Variants in EFNA5 observed in about 807,000 individuals in gnomAD.
EFNA5 encodes ephrin-A5.
EFNA5 carries 5 observed loss-of-function variants against 22.9 expected under a neutral mutation model. The observed-to-expected ratio is 0.22, with a 90% CI of 0.11 to 0.46. The LOEUF (loss-of-function observed/expected upper bound fraction) is 0.46, where lower values mean the gene tolerates loss of function less well. Among genes scored for constraint, EFNA5 ranks in the 20% least tolerant of loss-of-function variants. The probability of loss-of-function intolerance (pLI) is 0.99; values close to 1 mark genes in which losing one functional copy is unlikely to be tolerated. For synonymous variants in EFNA5, 113 were observed against 112.2 expected, an observed-to-expected ratio of 1.01 and a Z score of -0.04; for missense variants, 237 against 293.3, an observed-to-expected ratio of 0.81 and a Z score of 1.40.
At chr5:107,506,465 C>G (rs763601892) in intron 1 of EFNA5, among the ~76,000 whole-genome samples, 48 of 152,106 alleles carry the variant, frequency 3.2e-4, no homozygotes, top group Non-Finnish European at 6.0e-4. Context: ...AAATTATGGA[C>G]TGGGGTGAAG....
intron 2 of EFNA5, 86 bp downstream of exon 2, chr5:107,427,130 CT>C: frequency 7.2e-7 from 1 of 1,386,498 alleles, no homozygotes; most frequent in Middle Eastern, 1.8e-4. Context: ...CAGAGTCCAG[CT>C]CTCTGCAATT....
intron 2 of EFNA5, among the ~76,000 whole-genome samples, chr5:107,411,607 GT>G (rs1748367929): frequency 6.6e-6 from 1 of 152,184 alleles, no homozygotes; most frequent in African/African-American, 2.4e-5. Context: ...GAGGTCTTCA[GT>G]TAAAATAACC....
chr5:107,630,087 T>C (rs908933498), intron 1 of EFNA5, among the ~76,000 whole-genome samples: 4 of 151,282 alleles, frequency 2.6e-5, no homozygotes, highest in African/African-American at 4.9e-5. Flanking sequence ...AATTACGAGA[T>C]TGTTTTGCAA....
chr5:107,607,404 T>G (rs761385894), intron 1 of EFNA5, among the ~76,000 whole-genome samples: 14 of 152,216 alleles, frequency 9.2e-5, no homozygotes, highest in Non-Finnish European at 1.8e-4. Context: ...GCAGTAGAGT[T>G]TGAGCCCAGT....
chr5:107,600,820 A>C (rs1749576358), intron 1 of EFNA5, among the ~76,000 whole-genome samples: 1 of 152,118 alleles, frequency 6.6e-6, no homozygotes, highest in African/African-American at 2.4e-5. Context: ...ACAATTCTGA[A>C]GTATGTTTAA....
chr5:107,398,537 T>G (rs1009800806), intron 2 of EFNA5, among the ~76,000 whole-genome samples: 1 of 152,014 alleles, frequency 6.6e-6, no homozygotes, highest in Non-Finnish European at 1.5e-5. Flanking sequence ...TGAAGAATTA[T>G]TGTAGGGATT....
intron 1 of EFNA5, among the ~76,000 whole-genome samples, chr5:107,614,723 C>G (rs964848036): frequency 2.6e-5 from 4 of 152,124 alleles, no homozygotes; most frequent in African/African-American, 9.7e-5. Flanking sequence ...AACATTTTCT[C>G]TCTCAAAAAT....
At chr5:107,526,813 C>G (rs1027379853) in intron 1 of EFNA5, among the ~76,000 whole-genome samples, 1 of 152,118 alleles carries the variant, frequency 6.6e-6, no homozygotes, top group African/African-American at 2.4e-5. Flanking sequence ...ATGGGAAATT[C>G]TACTTTCTTC....
intron 1 of EFNA5, among the ~76,000 whole-genome samples, chr5:107,520,316 GC>G (rs1388934694): frequency 1.3e-5 from 2 of 152,166 alleles, no homozygotes; most frequent in African/African-American, 4.8e-5. Flanking sequence ...AAAGGGTGGG[GC>G]CCTTCACTCT....
At chr5:107,659,369 C>A (rs572723862) in intron 1 of EFNA5, among the ~76,000 whole-genome samples, 2 of 151,986 alleles carry the variant, frequency 1.3e-5, no homozygotes, top group Non-Finnish European at 2.9e-5. Context: ...TACCAGAGAA[C>A]AGGGATGGCG....
chr5:107,382,168 G>A (rs1747485316), intron 4 of EFNA5, among the ~76,000 whole-genome samples: 1 of 152,110 alleles, frequency 6.6e-6, no homozygotes, highest in African/African-American at 2.4e-5. Context: ...GCTATAAAGT[G>A]TTCTATGAGG....
At chr5:107,381,484 T>A in intron 4 of EFNA5, 108 bp from the exon 5 acceptor site, 1 of 1,254,844 alleles carries the variant, frequency 8.0e-7, no homozygotes, top group African/African-American at 1.5e-5. Flanking sequence ...AGTAGGGTAA[T>A]GAACCTTGTG....
At chr5:107,491,232 T>C (rs981906696) in intron 1 of EFNA5, among the ~76,000 whole-genome samples, 1 of 152,202 alleles carries the variant, frequency 6.6e-6, no homozygotes, top group African/African-American at 2.4e-5. Flanking sequence ...TATTAAAAAT[T>C]ATAACATGGT....
intron 1 of EFNA5, among the ~76,000 whole-genome samples, chr5:107,613,626 G>C (rs945347720): frequency 3.9e-5 from 6 of 152,040 alleles, no homozygotes; most frequent in African/African-American, 1.4e-4. Flanking sequence ...TTTACATAAA[G>C]TATTTCAAGA....
At chr5:107,500,421 C>T (rs1747106242) in intron 1 of EFNA5, among the ~76,000 whole-genome samples, 2 of 152,156 alleles carry the variant, frequency 1.3e-5, no homozygotes, top group Admixed American at 6.5e-5. Flanking sequence ...ATAATTTTGC[C>T]AGGGTAAGCC....
chr5:107,547,519 T>C (rs1240438269), intron 1 of EFNA5, among the ~76,000 whole-genome samples: 1 of 148,670 alleles, frequency 6.7e-6, no homozygotes, highest in African/African-American at 2.6e-5. Context: ...CGTAAGACAC[T>C]GATGTTCCAA....
chr5:107,634,065 C>T (rs1358376512), intron 1 of EFNA5, among the ~76,000 whole-genome samples: 1 of 152,230 alleles, frequency 6.6e-6, no homozygotes, highest in Non-Finnish European at 1.5e-5. Context: ...CTTTACCACA[C>T]AGTATGTTTA....
intron 1 of EFNA5, among the ~76,000 whole-genome samples, chr5:107,602,572 T>C (rs1264547090): frequency 1.3e-5 from 2 of 152,208 alleles, no homozygotes; most frequent in Non-Finnish European, 2.9e-5. Flanking sequence ...GCCCTTATAC[T>C]TTGTTCAGCA....
chr5:107,646,638 G>T (rs1409286677), intron 1 of EFNA5, among the ~76,000 whole-genome samples: 1 of 152,048 alleles, frequency 6.6e-6, no homozygotes, highest in East Asian at 1.9e-4. Context: ...GACAGAAAGG[G>T]TCACACATAT....
Sources: allele counts gnomAD v4.1 joint callset (sites outside exome capture counted in the v4.1 genomes callset), GRCh38; gene constraint gnomAD v4.1.1; transcripts MANE v1.5; gene names NCBI Gene and HGNC (gene_info 2026-07-23, HGNC 2026-07-21).